The following CAPS2 variants were observed in gnomAD, a reference collection of about 807,000 sequenced individuals.
The protein encoded by CAPS2 is calcyphosin-2.
Under a neutral mutation model 86.5 loss-of-function variants are expected in CAPS2, and 98 were observed. That is an observed-to-expected ratio of 1.13 (90% CI 0.96 to 1.34). The LOEUF (loss-of-function observed/expected upper bound fraction) is 1.34. Ranked by LOEUF, CAPS2 falls within the 40% of genes most tolerant of loss-of-function variation. The pLI, the probability that CAPS2 is intolerant of heterozygous loss-of-function variation, is 0.00. For synonymous variants in CAPS2, 210 were observed against 225.1 expected (o/e 0.93, Z 0.60); for missense variants, 729 against 686.8 (o/e 1.06, Z -0.69).
At chr12:75,338,344 C>T (rs1383234886) in intron 1 of CAPS2, among the ~76,000 whole-genome samples, 2 of 151,982 alleles carry the variant, frequency 1.3e-5, no homozygotes, top group Non-Finnish European at 2.9e-5. Context: ...CAGAAAACTC[C>T]CCAGAAAATG....
At chr12:75,389,120 AT>A (rs1203547128) in intron 1 of CAPS2, among the ~76,000 whole-genome samples, 1 of 152,126 alleles carries the variant, frequency 6.6e-6, no homozygotes, top group African/African-American at 2.4e-5. Context: ...ATTTCTTAAG[AT>A]TTGTGTGACT....
chr12:75,293,072 T>C (rs993079398), intron 12 of CAPS2, among the ~76,000 whole-genome samples, 177 bp downstream of exon 12: 1 of 152,150 alleles, frequency 6.6e-6, no homozygotes, highest in Non-Finnish European at 1.5e-5. Context: ...TTCCCACACA[T>C]GAAGTGTATT....
At chr12:75,299,491 A>C (rs182679854) in intron 9 of CAPS2, among the ~76,000 whole-genome samples, 11 of 152,290 alleles carry the variant, frequency 7.2e-5, no homozygotes, top group Admixed American at 2.6e-4. Context: ...TAATCTGTTA[A>C]ATCATTAAGA....
chr12:75,309,218 C>T (rs75298995), intron 7 of CAPS2, among the ~76,000 whole-genome samples: 2,602 of 152,186 alleles, frequency 0.017, 45 homozygotes, highest in Non-Finnish European at 0.027. Context: ...AAAAAAAACA[C>T]ATAAAAGGAC....
At chr12:75,339,968 C>T (rs2041992566) in intron 1 of CAPS2, among the ~76,000 whole-genome samples, 1 of 152,076 alleles carries the variant, frequency 6.6e-6, no homozygotes, top group Admixed American at 6.5e-5. Context: ...GTCCTCATAG[C>T]TTAGCTCCCA....
At chr12:75,378,996 T>G (rs1007749956) in intron 1 of CAPS2, among the ~76,000 whole-genome samples, 3 of 152,250 alleles carry the variant, frequency 2.0e-5, no homozygotes, top group Non-Finnish European at 4.4e-5. Context: ...TTCACATGTA[T>G]GTAGAGTATA....
At chr12:75,277,509 C>A (rs955694612) in exon 17 of CAPS2, 1 of 909,488 alleles carries the variant, frequency 1.1e-6, no homozygotes, top group Non-Finnish European at 1.3e-6. Flanking sequence ...ATTTTAATAA[C>A]CTAATTTTTA....
At chr12:75,276,707 G>C, downstream of CAPS2, 1 of 788,704 alleles carries the variant, frequency 1.3e-6, no homozygotes, top group Non-Finnish European at 1.5e-6. Flanking sequence ...AGAAAAATCA[G>C]TATATACAAT....
chr12:75,372,120 T>G (rs1038721242), intron 1 of CAPS2, among the ~76,000 whole-genome samples: 1 of 152,210 alleles, frequency 6.6e-6, no homozygotes, highest in African/African-American at 2.4e-5. Flanking sequence ...GTTCAAGTAA[T>G]TCTCCTGCCT....
At chr12:75,367,724 T>G (rs560149435) in intron 1 of CAPS2, among the ~76,000 whole-genome samples, 23 of 152,298 alleles carry the variant, frequency 1.5e-4, no homozygotes, top group African/African-American at 5.3e-4. Flanking sequence ...TTTTATATGA[T>G]GACAAATCAT....
intron 1 of CAPS2, among the ~76,000 whole-genome samples, chr12:75,367,904 T>C (rs907804332): frequency 4.6e-5 from 7 of 152,158 alleles, no homozygotes; most frequent in African/African-American, 1.7e-4. Context: ...TGTTTCACCA[T>C]TGTGTATGTT....
intron 1 of CAPS2, among the ~76,000 whole-genome samples, chr12:75,349,841 T>A (rs1004032262): frequency 2.6e-5 from 4 of 151,918 alleles, no homozygotes; most frequent in Non-Finnish European, 5.9e-5. Flanking sequence ...AAGAAAAAAA[T>A]TATCCAAGAT....
chr12:75,366,886 T>C, intron 1 of CAPS2: 1 of 701,634 alleles, frequency 1.4e-6, no homozygotes, highest in Non-Finnish European at 2.6e-6. Flanking sequence ...TTGTTGAGGG[T>C]TCCCTGTAGG....
chr12:75,309,735 C>T (rs886163093), intron 7 of CAPS2, among the ~76,000 whole-genome samples: 1 of 152,146 alleles, frequency 6.6e-6, no homozygotes, highest in Non-Finnish European at 1.5e-5. Context: ...CATTTGTGTG[C>T]CAAGTTAGGA....
intron 1 of CAPS2, 57 bp from the exon 3 acceptor site, chr12:75,325,345 C>A: frequency 8.2e-7 from 1 of 1,216,254 alleles, no homozygotes; most frequent in African/African-American, 1.5e-5. Flanking sequence ...ACCCTTTATA[C>A]TTTAAGAGAT....
chr12:75,284,932 C>T, intron 15 of CAPS2, 29 bp downstream of exon 15: 1 of 1,560,010 alleles, frequency 6.4e-7, no homozygotes, highest in South Asian at 1.2e-5. Context: ...TTAAAAATAA[C>T]AATTTGAAAG....
At chr12:75,317,363 T>C (rs1406767307) in intron 5 of CAPS2, among the ~76,000 whole-genome samples, 1 of 152,184 alleles carries the variant, frequency 6.6e-6, no homozygotes, top group African/African-American at 2.4e-5. Context: ...TACTTCTTTC[T>C]AAATAGCGAT....
At position 75,289,812 on chromosome 12, in the gene CAPS2, C is replaced by T. The variant is rs762921051; in HGVS notation, c.1241-37G>A. 4.0e-6 allele frequency: 6 copies of T among 1,514,654 alleles called. No homozygotes were observed. The African/African-American group carries it at 6.9e-5, about 17-fold the overall frequency. The allele number at this position is 1,514,654 out of a possible 1,614,324, so 93.8% of individuals were successfully genotyped here. ...GAAGAGAGATGAAAACAAATTGTTC[C>T]TATGCATAAATGTATAAAGCCGCAG... On this transcript the variant is annotated intron_variant, in intron 13 of 16. Coordinates refer to ENST00000393284, the Ensembl canonical transcript of CAPS2.
chr12:75,278,876 T>A, exon 17 of CAPS2: 1 of 1,527,836 alleles, frequency 6.5e-7, no homozygotes, highest in Non-Finnish European at 8.7e-7. Flanking sequence ...TGATGACATA[T>A]GTATTATTAA....
Sources: allele counts gnomAD v4.1 joint callset (sites outside exome capture counted in the v4.1 genomes callset), GRCh38; gene constraint gnomAD v4.1.1; transcripts MANE v1.5; gene names NCBI Gene and HGNC (gene_info 2026-07-23, HGNC 2026-07-21).